The following DARS1 variants were observed in gnomAD, a reference collection of about 807,000 sequenced individuals.
DARS1 encodes aspartate--tRNA ligase, cytoplasmic.
In DARS1, 51 loss-of-function variants were observed where a neutral mutation model predicts 68.8. That is an observed-to-expected ratio of 0.74 (90% CI 0.59 to 0.94). DARS1 has a LOEUF of 0.94. DARS1 is among the 40% of genes least tolerant of loss of function. The pLI, the probability that DARS1 is intolerant of heterozygous loss-of-function variation, is 0.00. For missense variants in DARS1, 607 were observed against 597.3 expected (o/e 1.02, Z -0.17); for synonymous variants, 203 against 190.4 (o/e 1.07, Z -0.55).
rs184852124 is a variant in DARS1 at position 135,947,829 on chromosome 2, A to C, written c.321-4349T>G. On this transcript the variant is annotated intron_variant, in intron 4 of 15. Coordinates refer to ENST00000264161, the MANE Select transcript of DARS1 (RefSeq NM_001349.4). ...ATTGCTTTATAGTTTCTGTGAAAAA[A>C]AAAAAAACAAAAAAACAACAACAAC... Among the ~76,000 whole-genome samples the C allele has an allele frequency of 7.8e-3, 1,186 of 151,994 alleles. 4 individuals are homozygous for C. Among genetic ancestry groups the C allele is most frequent in the Middle Eastern group, 0.051 (15 of 292 alleles).
intron 3 of DARS1, among the ~76,000 whole-genome samples, chr2:135,974,042 A>G (rs80342688): frequency 6.6e-6 from 1 of 152,156 alleles, no homozygotes; most frequent in Non-Finnish European, 1.5e-5. Flanking sequence ...TATGTACCCC[A>G]AAAATATATA....
intron 14 of DARS1, 37 bp from the exon 15 acceptor site, chr2:135,911,247 CTTATT>C (rs1366926610): frequency 1.9e-6 from 2 of 1,078,190 alleles, no homozygotes; most frequent in Non-Finnish European, 2.9e-6. Flanking sequence ...AATTTATCAT[CTTATT>C]TATCTTAAAA....
intron 15 of DARS1, 142 bp downstream of exon 15, chr2:135,910,997 C>T (rs553265006): frequency 1.8e-6 from 1 of 562,910 alleles, no homozygotes; most frequent in Non-Finnish European, 3.2e-6. Context: ...TATTTTATAA[C>T]ACACAAGTTA....
chr2:135,940,017 T>C (rs1005491116), intron 5 of DARS1, among the ~76,000 whole-genome samples: 9 of 152,242 alleles, frequency 5.9e-5, no homozygotes, highest in Non-Finnish European at 1.2e-4. Context: ...CAATAATCAA[T>C]AGCCTACCAA....
chr2:135,974,174 G>C (rs1682447328), intron 3 of DARS1, among the ~76,000 whole-genome samples: 1 of 152,210 alleles, frequency 6.6e-6, no homozygotes, highest in East Asian at 1.9e-4. Context: ...CAAGAAGGCA[G>C]AACATTACTG....
At position 135,952,239 on chromosome 2, in the gene DARS1, C is replaced by T. The variant is rs147686949; in HGVS notation, c.321-8759G>A. Among the ~76,000 whole-genome samples, 96 of 152,122 alleles carry T rather than the reference C, an allele frequency of 6.3e-4. 1 individual carries two copies. In the East Asian group the frequency reaches 0.016, roughly 26 times the overall value. On this transcript the variant is annotated intron_variant, in intron 4 of 15. Coordinates refer to ENST00000264161, the MANE Select transcript of DARS1 (RefSeq NM_001349.4). ...AGCCTTGGCAACAAGAGTGAGACTC[C>T]GTCTCATCTTTTCAAAAAGTATGCC...
In DARS1 at chr2:135,916,597, TATAATTC is replaced by T. The variant is rs148412799; in HGVS notation, c.960-232_960-226del. Reference sequence around the variant, plus strand: ...ACATCAAAGGATTAAAAATTTTCTTTATAATTCATATCAGTTAATATGGTTAGAAATA... The same window carrying T: ...ACATCAAAGGATTAAAAATTTTCTTTATATCAGTTAATATGGTTAGAAATA... On this transcript the variant is annotated intron_variant, in intron 10 of 15. Transcript: ENST00000264161. 8.6e-3 allele frequency among the ~76,000 whole-genome samples: 1,310 copies of T among 152,350 alleles called. 16 individuals are homozygous for T. Among genetic ancestry groups the T allele is most frequent in the African/African-American group, 0.028 (1,156 of 41,580 alleles).
At chr2:135,907,730 G>A (rs764137858) in intron 15 of DARS1, among the ~76,000 whole-genome samples, 10 of 152,106 alleles carry the variant, frequency 6.6e-5, no homozygotes, top group African/African-American at 2.4e-4. Flanking sequence ...AAGCTTGAAC[G>A]TTTCAAATGA....
intron 4 of DARS1, 80 bp downstream of exon 4, chr2:135,961,313 ATGT>A: frequency 1.3e-6 from 1 of 755,108 alleles, no homozygotes; most frequent in Non-Finnish European, 2.4e-6. Flanking sequence ...ATTGATGTTA[ATGT>A]ATGAAAATGG....
intron 4 of DARS1, among the ~76,000 whole-genome samples, chr2:135,956,589 G>A (rs954419931): frequency 6.6e-6 from 1 of 152,098 alleles, no homozygotes. Flanking sequence ...GAGGCTTACC[G>A]GAGCAGAAAG....
intron 5 of DARS1, among the ~76,000 whole-genome samples, chr2:135,935,957 C>A (rs1358359770): frequency 6.6e-6 from 1 of 152,078 alleles, no homozygotes; most frequent in East Asian, 1.9e-4. Context: ...CTCCCTAAAC[C>A]CAAATTCTAG....
At position 135,920,607 on chromosome 2, in the gene DARS1, A is replaced by G. The variant is rs1159347584; in HGVS notation, c.812-7T>C. On this transcript the variant is annotated splice_polypyrimidine_tract_variant and splice_region_variant and intron_variant, in intron 9 of 15. Coordinates refer to ENST00000264161, the MANE Select transcript of DARS1 (RefSeq NM_001349.4). The stretch of plus-strand genomic sequence containing the variant: ...GAGTCTTCCGCTCTGAATACTGTGA[A>G]GTTAATAAAAGAAATAGAGAGCAAA... 1 of 1,573,354 alleles carries G rather than the reference A, an allele frequency of 6.4e-7. No homozygotes were observed. The highest frequency in any genetic ancestry group is 2.0e-5 in the Admixed American group (1 of 49,686).
intron 5 of DARS1, among the ~76,000 whole-genome samples, chr2:135,937,400 G>T (rs1350606992): frequency 2.0e-5 from 3 of 151,956 alleles, no homozygotes; most frequent in East Asian, 3.9e-4. Context: ...ACAGATCAGA[G>T]ATAAGTCTTC....
At chr2:135,975,075 T>C (rs561589895) in intron 3 of DARS1, among the ~76,000 whole-genome samples, 1 of 152,222 alleles carries the variant, frequency 6.6e-6, no homozygotes, top group South Asian at 2.1e-4. Context: ...CCGGGCATAG[T>C]GGCTCACGCC....
chr2:135,912,515 A>C lies in DARS1; in HGVS notation c.1201T>G (p.Phe401Val). ...LDKYPLAVRP[F>V]YTMPDPRNPK... ...TTTCTTGGGTCAGGCATGGTATAGA[A>C]AGGTCTTACAGCCAATGGATATTTA... Residue 401 changes from phenylalanine to valine, a missense_variant, in exon 13 of 16, where the codon TTC (phenylalanine) becomes GTC (valine). Transcript: ENST00000264161. 1 of 1,132,372 alleles carries C rather than the reference A, an allele frequency of 8.8e-7. No homozygotes were observed. The highest frequency in any genetic ancestry group is 1.5e-5 in the African/African-American group (1 of 64,958). 70.1% of individuals were successfully genotyped at this position (1,132,372 alleles called of 1,614,324 possible). A position where few individuals can be genotyped will look rare whatever the true frequency, so the allele number is the denominator to read the frequency against.
chr2:135,922,811 A>C lies in DARS1; in HGVS notation c.784T>G (p.Phe262Val). ...LYKQMCICAD[F>V]EKVFSIGPVF... is the part of the protein sequence containing the mutation. ...GGTCCAATAGAGAAAACCTTCTCAAAATCAGCACAAATGCACATTTGCTTA... is the reference window on the plus strand; with the variant it reads ...GGTCCAATAGAGAAAACCTTCTCAACATCAGCACAAATGCACATTTGCTTA... Residue 262 changes from phenylalanine to valine, a missense_variant, in exon 9 of 16, where the codon TTT (phenylalanine) becomes GTT (valine). Phe to Val is a conservative substitution (Grantham distance 50, BLOSUM62 -1). Coordinates refer to ENST00000264161, the MANE Select transcript of DARS1 (RefSeq NM_001349.4). The C allele has an allele frequency of 6.3e-7, 1 of 1,576,526 alleles. No individual in the cohort carries two copies. Among genetic ancestry groups the C allele is most frequent in the Non-Finnish European group, 8.6e-7 (1 of 1,164,774 alleles).
chr2:135,957,378 C>T (rs2104830515), intron 4 of DARS1, among the ~76,000 whole-genome samples: 1 of 152,262 alleles, frequency 6.6e-6, no homozygotes, highest in South Asian at 2.1e-4. Context: ...CATGTGCCCG[C>T]CACCATGCCT....
chr2:135,922,066 T>C (rs1681118642), intron 9 of DARS1, among the ~76,000 whole-genome samples: 1 of 152,186 alleles, frequency 6.6e-6, no homozygotes, highest in Non-Finnish European at 1.5e-5. Flanking sequence ...AAAAAGAATT[T>C]GCCACATGAT....
intron 3 of DARS1, among the ~76,000 whole-genome samples, chr2:135,972,852 T>C (rs1053204846): frequency 2.0e-5 from 3 of 152,176 alleles, no homozygotes; most frequent in Non-Finnish European, 4.4e-5. Context: ...TTCAGAGGAA[T>C]GCAAATCAAA....
Sources: gnomAD v4.1 joint callset for allele counts (sites outside exome capture counted in the v4.1 genomes callset) on GRCh38, gnomAD v4.1.1 for gene constraint, MANE v1.5 for transcripts, NCBI Gene and HGNC (gene_info 2026-07-23, HGNC 2026-07-21) for gene names.